MARCHF4: variants seen among roughly 807,000 people sequenced by gnomAD.
The protein encoded by MARCHF4 is E3 ubiquitin-protein ligase MARCHF4.
Under a neutral mutation model 43.9 loss-of-function variants are expected in MARCHF4, and 14 were observed. The observed-to-expected ratio is 0.32, with a 90% CI of 0.21 to 0.50. MARCHF4 has a LOEUF of 0.50. Ranked by LOEUF, MARCHF4 falls within the 20% of genes least tolerant of loss-of-function variation. The probability of loss-of-function intolerance (pLI) is 0.98; values close to 1 mark genes in which losing one functional copy is unlikely to be tolerated. For synonymous variants in MARCHF4, 226 were observed against 213.3 expected (o/e 1.06, Z -0.52); for missense variants, 468 against 536.7 (o/e 0.87, Z 1.27).
chr2:216,281,536 G>A (rs947999739), intron 2 of MARCHF4, among the ~76,000 whole-genome samples: 2 of 152,216 alleles, frequency 1.3e-5, no homozygotes, highest in African/African-American at 4.8e-5. Context: ...ATCCAGCTGG[G>A]CTGGGGCATA....
At chr2:216,321,300 C>A (rs1162984657) in intron 1 of MARCHF4, among the ~76,000 whole-genome samples, 3 of 152,118 alleles carry the variant, frequency 2.0e-5, no homozygotes, top group African/African-American at 7.2e-5. Context: ...GAATGGCCCC[C>A]ACTCTCATGA....
At chr2:216,286,915 G>A (rs1691227089) in intron 1 of MARCHF4, among the ~76,000 whole-genome samples, 2 of 152,318 alleles carry the variant, frequency 1.3e-5, no homozygotes, top group Middle Eastern at 3.4e-3. Flanking sequence ...ACACTGAGAT[G>A]AATTCTCGCC....
At chr2:216,329,866 C>T (rs1267768803) in intron 1 of MARCHF4, among the ~76,000 whole-genome samples, 2 of 151,694 alleles carry the variant, frequency 1.3e-5, no homozygotes, top group African/African-American at 2.4e-5. Flanking sequence ...GTGGGAGGAT[C>T]GCTTGGGGCC....
chr2:216,320,835 T>C (rs1440707238), intron 1 of MARCHF4, among the ~76,000 whole-genome samples: 1 of 102,010 alleles, frequency 9.8e-6, no homozygotes, highest in African/African-American at 6.0e-5. Flanking sequence ...CATGCCTGGC[T>C]TTTTTTTTTT....
At chr2:216,293,977 A>T (rs1178253996) in intron 1 of MARCHF4, among the ~76,000 whole-genome samples, 6,409 of 146,642 alleles carry the variant, frequency 0.044, 1,364 homozygotes, top group Non-Finnish European at 0.067. Context: ...ACTCATCATT[A>T]CCATCACCAT....
At chr2:216,296,152 TAAAC>T (rs1406992977) in intron 1 of MARCHF4, among the ~76,000 whole-genome samples, 2 of 147,412 alleles carry the variant, frequency 1.4e-5, no homozygotes, top group African/African-American at 2.5e-5. Context: ...TCTCAATAAA[TAAAC>T]AAACAAACAA....
chr2:216,319,644 G>C (rs1691847132), intron 1 of MARCHF4, among the ~76,000 whole-genome samples: 1 of 152,042 alleles, frequency 6.6e-6, no homozygotes, highest in Non-Finnish European at 1.5e-5. Flanking sequence ...AGAAGCTATA[G>C]AAACTTTTAT....
intron 1 of MARCHF4, among the ~76,000 whole-genome samples, chr2:216,296,380 C>A (rs559324318): frequency 9.5e-4 from 145 of 152,118 alleles, no homozygotes; most frequent in African/African-American, 2.6e-3. Context: ...GATACCCCAG[C>A]CCTTTCTGCA....
At position 216,296,810 on chromosome 2, in the gene MARCHF4, C is replaced by G. The variant is rs182762160; in HGVS notation, c.517-13081G>C. ...TTATACTCAATTTAAACTGAAAAAC[C>G]TGCCACCCAGAGAGGGCACTGGCCT... On this transcript the variant is annotated intron_variant, in intron 1 of 3. Transcript: ENST00000273067. Among the ~76,000 whole-genome samples the G allele has an allele frequency of 1.1e-3, 166 of 152,256 alleles. 1 individual carries two copies. Among genetic ancestry groups the G allele is most frequent in the African/African-American group, 3.4e-3 (143 of 41,556 alleles).
rs1164297440 is a variant in MARCHF4 at position 216,370,184 on chromosome 2, G to A, written c.77C>T (p.Ala26Val). The A allele has an allele frequency of 5.0e-6, 8 of 1,612,666 alleles. No individual in the cohort carries two copies. The highest frequency in any genetic ancestry group is 6.8e-6 in the Non-Finnish European group (8 of 1,179,602). ...CSGWYCYGLC[A>V]PAPQMLRHQG... ...GTGGCGCAACATCTGGGGGGCTGGG[G>A]CACACAATCCATAGCAGTACCAGCC... Residue 26 changes from alanine (A) to valine (V), a missense_variant, in exon 1 of 4, where the codon GCC becomes GTC. Coordinates refer to ENST00000273067, the MANE Select transcript of MARCHF4 (RefSeq NM_020814.3).
At chr2:216,323,986 A>T (rs1691947171) in intron 1 of MARCHF4, among the ~76,000 whole-genome samples, 1 of 152,208 alleles carries the variant, frequency 6.6e-6, no homozygotes, top group African/African-American at 2.4e-5. Context: ...AAGGAAATAG[A>T]CACACAAAAA....
intron 3 of MARCHF4, among the ~76,000 whole-genome samples, chr2:216,272,519 AATAG>A (rs1397755744): frequency 6.6e-6 from 1 of 152,196 alleles, no homozygotes; most frequent in Non-Finnish European, 1.5e-5. Context: ...TCAGAGAAGA[AATAG>A]ATAGTAGAAA....
intron 3 of MARCHF4, among the ~76,000 whole-genome samples, chr2:216,268,678 A>C (rs1455260046): frequency 6.6e-6 from 1 of 152,218 alleles, no homozygotes; most frequent in Non-Finnish European, 1.5e-5. Flanking sequence ...AAAATGGACT[A>C]ATATAGTAGC....
intron 3 of MARCHF4, among the ~76,000 whole-genome samples, chr2:216,269,495 T>A (rs1690898269): frequency 6.6e-6 from 1 of 152,166 alleles, no homozygotes; most frequent in South Asian, 2.1e-4. Flanking sequence ...CTACTCCAAA[T>A]AAGAGCAGAC....
intron 1 of MARCHF4, among the ~76,000 whole-genome samples, chr2:216,362,114 C>T (rs955993575): frequency 6.6e-6 from 1 of 152,158 alleles, no homozygotes; most frequent in Non-Finnish European, 1.5e-5. Flanking sequence ...CATCATTCTG[C>T]AATAGTATAA....
intron 1 of MARCHF4, among the ~76,000 whole-genome samples, chr2:216,355,076 A>G (rs1005095481): frequency 6.6e-6 from 1 of 151,536 alleles, no homozygotes; most frequent in African/African-American, 2.4e-5. Flanking sequence ...GGTTCAAGTG[A>G]TTCTCCTGCC....
At chr2:216,269,872 G>C (rs1388400192) in intron 3 of MARCHF4, among the ~76,000 whole-genome samples, 2 of 152,158 alleles carry the variant, frequency 1.3e-5, no homozygotes, top group African/African-American at 4.8e-5. Flanking sequence ...TTGTGACTCA[G>C]TCCTTCCTAT....
At chr2:216,306,359 G>A (rs1691585961) in intron 1 of MARCHF4, among the ~76,000 whole-genome samples, 1 of 152,116 alleles carries the variant, frequency 6.6e-6, no homozygotes, top group Non-Finnish European at 1.5e-5. Context: ...TTAACCACTT[G>A]ATAAGTTGAT....
At chr2:216,338,913 C>A (rs780804756) in intron 1 of MARCHF4, among the ~76,000 whole-genome samples, 1 of 152,144 alleles carries the variant, frequency 6.6e-6, no homozygotes, top group Non-Finnish European at 1.5e-5. Flanking sequence ...CTCCCATTTA[C>A]AAGAGAAAAA....
Sources: allele counts gnomAD v4.1 joint callset (sites outside exome capture counted in the v4.1 genomes callset), GRCh38; gene constraint gnomAD v4.1.1; transcripts MANE v1.5; gene names NCBI Gene and HGNC (gene_info 2026-07-23, HGNC 2026-07-21).